WWTR1: variants seen among roughly 807,000 people sequenced by gnomAD.
WWTR1 encodes WW domain containing transcription regulator 1, also known as WW domain-containing transcription regulator protein 1.
Under a neutral mutation model 40.1 loss-of-function variants are expected in WWTR1, and 13 were observed. The ratio of observed to expected loss-of-function variants is 0.32; its 90% CI spans 0.21 to 0.52. The LOEUF (loss-of-function observed/expected upper bound fraction) is 0.52, where lower values mean the gene tolerates loss of function less well. Among genes scored for constraint, WWTR1 ranks in the 20% least tolerant of loss-of-function variants. The pLI is 0.97. For synonymous variants in WWTR1, 230 were observed against 210.1 expected, an observed-to-expected ratio of 1.09 and a Z score of -0.82; for missense variants, 436 against 523.1, an observed-to-expected ratio of 0.83 and a Z score of 1.63.
chr3:149,599,379 T>C (rs1306973997), intron 2 of WWTR1, among the ~76,000 whole-genome samples: 1 of 152,264 alleles, frequency 6.6e-6, no homozygotes, highest in Non-Finnish European at 1.5e-5. Flanking sequence ...TCAAGGGCTG[T>C]GTCCAGGAAA....
At position 149,546,399 on chromosome 3, in the gene WWTR1, G is replaced by A. The variant is rs1255776177; in HGVS notation, c.569-3862C>T. On this transcript the variant is annotated intron_variant, in intron 3 of 6. Transcript: ENST00000360632. ...TGGTCCACCCATTTAGAGAAATTCT[G>A]TATGATGATTCCAATGTTTCTTAGA... 2.0e-5 allele frequency among the ~76,000 whole-genome samples: 3 copies of A among 152,320 alleles called. No individual in the cohort carries two copies. The East Asian group carries it at 5.8e-4, about 29-fold the overall frequency.
At chr3:149,561,404 T>C (rs62269315) in intron 3 of WWTR1, among the ~76,000 whole-genome samples, 28,600 of 152,142 alleles carry the variant, frequency 0.19, 2,831 homozygotes, top group African/African-American at 0.25. Context: ...ATAGATATTA[T>C]TGGCCAGGGT....
chr3:149,570,569 A>AAAT (rs71135699), intron 3 of WWTR1, among the ~76,000 whole-genome samples: 5,265 of 146,470 alleles, frequency 0.036, 102 homozygotes, highest in Middle Eastern at 0.092. Flanking sequence ...CTCTTTCTCA[A>AAAT]AATAATAATA....
At chr3:149,560,414 G>A (rs998782399) in intron 3 of WWTR1, among the ~76,000 whole-genome samples, 9 of 152,164 alleles carry the variant, frequency 5.9e-5, no homozygotes, top group African/African-American at 2.2e-4. Flanking sequence ...AATGATATAG[G>A]GAAGGTGTCC....
At chr3:149,625,574 C>T (rs1404651938) in intron 2 of WWTR1, among the ~76,000 whole-genome samples, 1 of 151,652 alleles carries the variant, frequency 6.6e-6, no homozygotes, top group Non-Finnish European at 1.5e-5. Flanking sequence ...GTGAATCATC[C>T]AAGGTCAGGA....
At chr3:149,592,469 C>G (rs909383882) in intron 2 of WWTR1, among the ~76,000 whole-genome samples, 2 of 152,238 alleles carry the variant, frequency 1.3e-5, no homozygotes, top group South Asian at 2.1e-4. Flanking sequence ...TCCAAAGGCA[C>G]TGAATAAATG....
At chr3:149,556,998 A>C (rs1257303955) in intron 3 of WWTR1, among the ~76,000 whole-genome samples, 1 of 149,370 alleles carries the variant, frequency 6.7e-6, no homozygotes, top group Non-Finnish European at 1.5e-5. Context: ...GCCACTACCC[A>C]GTATTTAAAA....
intron 1 of WWTR1, among the ~76,000 whole-genome samples, chr3:149,700,221 C>T (rs368015513): frequency 6.6e-6 from 1 of 152,108 alleles, no homozygotes; most frequent in Non-Finnish European, 1.5e-5. Context: ...AATCCCAGCA[C>T]TTTGGGAGGC....
chr3:149,660,598 G>A (rs1235298782), upstream of WWTR1, among the ~76,000 whole-genome samples: 1 of 152,216 alleles, frequency 6.6e-6, no homozygotes, highest in Admixed American at 6.5e-5. Context: ...CAGATGTCTT[G>A]TATGTATCAG....
chr3:149,544,121 ATGATT>A (rs1736262269), intron 3 of WWTR1, among the ~76,000 whole-genome samples: 2 of 152,020 alleles, frequency 1.3e-5, no homozygotes, highest in Non-Finnish European at 1.5e-5. Context: ...ATGTAGAAAT[ATGATT>A]TACAAGTAAA....
chr3:149,693,845 T>C (rs925655418), intron 1 of WWTR1, among the ~76,000 whole-genome samples: 1 of 152,170 alleles, frequency 6.6e-6, no homozygotes, highest in Non-Finnish European at 1.5e-5. Flanking sequence ...TATCTTGTAT[T>C]TTGTATATCT....
Position 149,520,639 on chromosome 3 carries a change from C to G in WWTR1, c.*166G>C. 1 of 531,374 alleles carries G rather than the reference C, an allele frequency of 1.9e-6. No individual in the cohort carries two copies. The highest frequency in any genetic ancestry group is 5.9e-5 in the South Asian group (1 of 16,832). 32.9% of individuals were successfully genotyped at this position (531,374 alleles called of 1,614,324 possible). ...TTATTTATGTTTAACTTAAGTTACT[C>G]TCAATCAAAACCAGGCAATGATTAA... On this transcript the variant is annotated 3_prime_UTR_variant, in exon 7 of 7. Coordinates refer to ENST00000360632, the MANE Select transcript of WWTR1 (RefSeq NM_015472.6).
In WWTR1 at chr3:149,676,375, T is replaced by A. The variant is rs554676980; in HGVS notation, c.-107-6484A>T. ...TGGTTTTAAAGGGGAGTCCTCATCA[T>A]CTCTTCAACAATATGAAAATCCAGT... On this transcript the variant is annotated intron_variant, in intron 1 of 7. Coordinates refer to the WWTR1 transcript ENST00000465804. Among the ~76,000 whole-genome samples the A allele has an allele frequency of 2.0e-5, 3 of 152,258 alleles. No individual in the cohort carries two copies. The South Asian group carries it at 6.2e-4, about 32-fold the overall frequency.
chr3:149,709,713 T>G (rs575653025), intron 5 of WWTR1, among the ~76,000 whole-genome samples: 1 of 152,238 alleles, frequency 6.6e-6, no homozygotes, highest in Non-Finnish European at 1.5e-5. Flanking sequence ...GAGACCAGCC[T>G]GATCAACTTG....
chr3:149,540,688 A>G (rs1736053387), intron 4 of WWTR1, among the ~76,000 whole-genome samples: 1 of 152,246 alleles, frequency 6.6e-6, no homozygotes, highest in Non-Finnish European at 1.5e-5. Flanking sequence ...ATCAGTATAA[A>G]CAACCGTTAG....
intron 2 of WWTR1, among the ~76,000 whole-genome samples, chr3:149,653,258 A>G (rs747051068): frequency 7.9e-5 from 12 of 152,190 alleles, no homozygotes; most frequent in African/African-American, 1.2e-4. Flanking sequence ...CATGTATTCT[A>G]TTTATAATCA....
In WWTR1 at chr3:149,608,632, G is replaced by A. The variant is rs187078100; in HGVS notation, c.432-35632C>T. Among the ~76,000 whole-genome samples, 27 of 152,096 alleles carry A rather than the reference G, an allele frequency of 1.8e-4. No homozygotes were observed. The East Asian group carries it at 3.3e-3, about 19-fold the overall frequency. On this transcript the variant is annotated intron_variant, in intron 2 of 6. Coordinates refer to ENST00000360632, the MANE Select transcript of WWTR1 (RefSeq NM_015472.6). ...TCGAACTCCTGACCTCAAGTGGTCC[G>A]CCTGCCTTGGCCTCCCAAAGTGCTA...
At position 149,657,191 on chromosome 3, in the gene WWTR1, T is replaced by C; in HGVS notation, c.116A>G (p.Lys39Arg). ...GATCTTCTTCCGCCACGAGCTAGGCTTCGGATTCATGACAGAGTTGAAGAG... is the reference window on the plus strand; with the variant it reads ...GATCTTCTTCCGCCACGAGCTAGGCCTCGGATTCATGACAGAGTTGAAGAG... ...EALFNSVMNP[K>R]PSSWRKKILP... The change falls in exon 2 of 7, where the codon AAG (lysine) becomes AGG (arginine). Residue 39 changes from lysine (K) to arginine (R), a missense_variant. Lys to Arg is a conservative substitution (Grantham distance 26). Transcript: ENST00000360632. 1 of 1,611,410 alleles carries C rather than the reference T, an allele frequency of 6.2e-7. No individual in the cohort carries two copies. The highest frequency in any genetic ancestry group is 8.5e-7 in the Non-Finnish European group (1 of 1,179,100).
Position 149,581,441 on chromosome 3 carries a change from A to G in WWTR1, c.432-8441T>C, listed in dbSNP as rs542553263. On this transcript the variant is annotated intron_variant, in intron 2 of 6. Transcript: ENST00000360632. The stretch of plus-strand genomic sequence containing the variant: ...AAAGTTCATCCTTCTTTGAAACCAC[A>G]AAGAATTTATAGTTGAAAGTTTCCG... 1.6e-4 allele frequency among the ~76,000 whole-genome samples: 24 copies of G among 152,318 alleles called. No individual in the cohort carries two copies. In the East Asian group the frequency reaches 4.0e-3, roughly 26 times the overall value.
Sources: gnomAD v4.1 joint callset for allele counts (sites outside exome capture counted in the v4.1 genomes callset) on GRCh38, gnomAD v4.1.1 for gene constraint, MANE v1.5 for transcripts, NCBI Gene and HGNC (gene_info 2026-07-23, HGNC 2026-07-21) for gene names.